Variants in NR3C2 observed in about 807,000 individuals in gnomAD.
The protein encoded by NR3C2 is nuclear receptor subfamily 3 group C member 2, also known as mineralocorticoid receptor.
A neutral mutation model predicts 86.4 loss-of-function variants in NR3C2; 15 were observed. The ratio of observed to expected loss-of-function variants is 0.17; its 90% CI spans 0.12 to 0.27. The LOEUF (loss-of-function observed/expected upper bound fraction) is 0.27, where lower values mean the gene tolerates loss of function less well. NR3C2 is among the 10% of genes least tolerant of loss of function. NR3C2 has a pLI of 1.00. For missense variants in NR3C2, 960 were observed against 1,195.6 expected, an observed-to-expected ratio of 0.80 and a Z score of 2.91; for synonymous variants, 458 against 450.5, an observed-to-expected ratio of 1.02 and a Z score of -0.21.
At chr4:148,289,364 T>C (rs1741689978) in intron 2 of NR3C2, among the ~76,000 whole-genome samples, 1 of 152,146 alleles carries the variant, frequency 6.6e-6, no homozygotes, top group African/African-American at 2.4e-5. Context: ...TCTCTTGGCT[T>C]TCTGTATATT....
intron 2 of NR3C2, among the ~76,000 whole-genome samples, chr4:148,354,888 G>A (rs115932019): frequency 2.6e-3 from 397 of 152,130 alleles, no homozygotes; most frequent in African/African-American, 8.7e-3. Flanking sequence ...GGAGAAACAT[G>A]AAATTAGAAC....
chr4:148,194,983 A>G, intron 3 of NR3C2, 121 bp from the exon 4 acceptor site: 2 of 763,722 alleles, frequency 2.6e-6, no homozygotes, highest in South Asian at 1.6e-5. Flanking sequence ...TCAAAAAAGT[A>G]AAAGTACATG....
chr4:148,295,049 A>G (rs1321885731), intron 2 of NR3C2, among the ~76,000 whole-genome samples: 4 of 152,154 alleles, frequency 2.6e-5, no homozygotes, highest in Non-Finnish European at 5.9e-5. Context: ...TGAAATAAGC[A>G]TTCTCACCTT....
chr4:148,430,032 T>C (rs1036769535), intron 2 of NR3C2, among the ~76,000 whole-genome samples: 2 of 152,160 alleles, frequency 1.3e-5, no homozygotes, highest in Non-Finnish European at 2.9e-5. Context: ...AAATTAGTGG[T>C]GATCAATATA....
At chr4:148,405,510 AC>A (rs920664163) in intron 2 of NR3C2, among the ~76,000 whole-genome samples, 27 of 152,210 alleles carry the variant, frequency 1.8e-4, no homozygotes, top group African/African-American at 6.5e-4. Context: ...TTTGAAAGTT[AC>A]CAAGTTGAAA....
chr4:148,156,868 C>A (rs539524373), intron 4 of NR3C2, among the ~76,000 whole-genome samples: 2 of 151,944 alleles, frequency 1.3e-5, no homozygotes, highest in Non-Finnish European at 2.9e-5. Flanking sequence ...ATGTTTATTG[C>A]GGCACTATTC....
At chr4:148,374,691 T>A (rs575018316) in intron 2 of NR3C2, among the ~76,000 whole-genome samples, 8 of 152,264 alleles carry the variant, frequency 5.3e-5, no homozygotes, top group African/African-American at 1.9e-4. Context: ...TTACCCAAGT[T>A]TTAAAATTAT....
chr4:148,175,702 A>G (rs1735343332), intron 4 of NR3C2, among the ~76,000 whole-genome samples: 1 of 152,150 alleles, frequency 6.6e-6, no homozygotes, highest in South Asian at 2.1e-4. Context: ...ACTGTAGTAT[A>G]TTTTATGCCT....
chr4:148,117,139 G>A (rs1377745781), intron 7 of NR3C2, among the ~76,000 whole-genome samples: 3 of 152,180 alleles, frequency 2.0e-5, no homozygotes, highest in African/African-American at 7.2e-5. Context: ...CAAGAGCAGC[G>A]GGAGATGGGG....
intron 2 of NR3C2, among the ~76,000 whole-genome samples, chr4:148,341,491 GAGTA>G (rs1209926036): frequency 1.3e-5 from 2 of 152,102 alleles, no homozygotes; most frequent in Non-Finnish European, 2.9e-5. Context: ...GTTGGTTAAT[GAGTA>G]CAAATATACA....
chr4:148,086,739 C>CA (rs1730832163), intron 8 of NR3C2, among the ~76,000 whole-genome samples: 1 of 151,918 alleles, frequency 6.6e-6, no homozygotes. Context: ...GAGACTGTCT[C>CA]AAAAAACAGA....
intron 2 of NR3C2, among the ~76,000 whole-genome samples, chr4:148,284,292 T>C (rs1419770017): frequency 6.6e-6 from 1 of 152,108 alleles, no homozygotes; most frequent in South Asian, 2.1e-4. Context: ...AAGGAGTTGA[T>C]AGGCTTATAA....
intron 8 of NR3C2, among the ~76,000 whole-genome samples, chr4:148,104,240 A>C (rs1313212504): frequency 6.6e-6 from 1 of 151,726 alleles, no homozygotes; most frequent in Middle Eastern, 3.2e-3. Flanking sequence ...AATGAGTAAG[A>C]TCTCCCATGT....
chr4:148,214,510 T>A (rs757570960), intron 3 of NR3C2, among the ~76,000 whole-genome samples: 3 of 152,208 alleles, frequency 2.0e-5, no homozygotes, highest in Non-Finnish European at 2.9e-5. Flanking sequence ...TTTGGCTCCA[T>A]GACCATTTAG....
At chr4:148,371,924 C>T (rs1053107304) in intron 2 of NR3C2, among the ~76,000 whole-genome samples, 11 of 152,178 alleles carry the variant, frequency 7.2e-5, no homozygotes, top group Admixed American at 6.5e-4. Flanking sequence ...ACACTTATTT[C>T]TATGCCCTTG....
intron 8 of NR3C2, among the ~76,000 whole-genome samples, chr4:148,087,644 G>A (rs1260658627): frequency 3.9e-5 from 6 of 152,198 alleles, no homozygotes; most frequent in African/African-American, 4.8e-5. Context: ...ACGGTACGGC[G>A]AAAACTGGCT....
intron 4 of NR3C2, among the ~76,000 whole-genome samples, chr4:148,175,179 C>T (rs565024946): frequency 6.6e-6 from 1 of 152,152 alleles, no homozygotes; most frequent in South Asian, 2.1e-4. Flanking sequence ...AAACAAAACA[C>T]ACACAAAAAA....
At chr4:148,376,187 CACA>C (rs1746671261) in intron 2 of NR3C2, among the ~76,000 whole-genome samples, 1 of 146,796 alleles carries the variant, frequency 6.8e-6, no homozygotes, top group Non-Finnish European at 1.5e-5. Context: ...GCATTTTAAC[CACA>C]ACAACTGTTT....
At chr4:148,355,421 C>T (rs889015806) in intron 2 of NR3C2, among the ~76,000 whole-genome samples, 6 of 152,270 alleles carry the variant, frequency 3.9e-5, no homozygotes, top group South Asian at 2.1e-4. Flanking sequence ...GCCCAGAAGC[C>T]GCTACCCTAC....
Sources: gnomAD v4.1 joint callset for allele counts (sites outside exome capture counted in the v4.1 genomes callset) on GRCh38, gnomAD v4.1.1 for gene constraint, MANE v1.5 for transcripts, NCBI Gene and HGNC (gene_info 2026-07-23, HGNC 2026-07-21) for gene names.